Variants in TLK1 observed in about 807,000 individuals in gnomAD.
TLK1 encodes the protein serine/threonine-protein kinase tousled-like 1.
Under a neutral mutation model 105.3 loss-of-function variants are expected in TLK1, and 24 were observed. The ratio of observed to expected loss-of-function variants is 0.23; its 90% CI spans 0.17 to 0.32. The LOEUF (loss-of-function observed/expected upper bound fraction) is 0.32. Among genes scored for constraint, TLK1 ranks in the 10% least tolerant of loss-of-function variants. The pLI is 1.00. For synonymous variants in TLK1, 321 were observed against 310.4 expected (o/e 1.03, Z -0.36); for missense variants, 558 against 910.5 (o/e 0.61, Z 4.98).
intron 2 of TLK1, among the ~76,000 whole-genome samples, chr2:171,105,456 C>T (rs1269846695): frequency 1.3e-5 from 2 of 152,142 alleles, no homozygotes; most frequent in African/African-American, 2.4e-5. Context: ...GAGGCTGAGG[C>T]GGGTGGATCA....
At chr2:171,132,157 G>A (rs1558959792) in intron 1 of TLK1, among the ~76,000 whole-genome samples, 1 of 152,174 alleles carries the variant, frequency 6.6e-6, no homozygotes, top group Admixed American at 6.5e-5. Context: ...GGAAGCCTCA[G>A]GAAACTTACA....
At chr2:171,007,531 G>GA (rs1684704771) in intron 14 of TLK1, among the ~76,000 whole-genome samples, 1 of 151,482 alleles carries the variant, frequency 6.6e-6, no homozygotes, top group Non-Finnish European at 1.5e-5. Context: ...TCCAACTGTT[G>GA]AAAAAAACTC....
intron 18 of TLK1, among the ~76,000 whole-genome samples, chr2:171,004,297 CAGTG>C (rs1184801084): frequency 6.6e-6 from 1 of 151,796 alleles, no homozygotes; most frequent in African/African-American, 2.4e-5. Flanking sequence ...CATGGTTCGT[CAGTG>C]AGATTTTTCA....
chr2:171,037,310 G>A (rs188921588), intron 11 of TLK1, among the ~76,000 whole-genome samples: 67 of 151,964 alleles, frequency 4.4e-4, no homozygotes, highest in Middle Eastern at 3.4e-3. Context: ...GCATAGTGGC[G>A]CATGGCTGTA....
At chr2:171,212,725 C>T (rs1222382021) in intron 1 of TLK1, among the ~76,000 whole-genome samples, 1 of 152,082 alleles carries the variant, frequency 6.6e-6, no homozygotes, top group Non-Finnish European at 1.5e-5. Flanking sequence ...TATTAAATGC[C>T]TACTTAGTGA....
intron 1 of TLK1, among the ~76,000 whole-genome samples, chr2:171,143,193 G>A (rs992770050): frequency 6.6e-6 from 1 of 152,162 alleles, no homozygotes; most frequent in African/African-American, 2.4e-5. Context: ...TAAATGAATA[G>A]ACAAGTAAGG....
chr2:171,061,924 T>C (rs1687770538), intron 3 of TLK1, among the ~76,000 whole-genome samples: 1 of 152,198 alleles, frequency 6.6e-6, no homozygotes, highest in South Asian at 2.1e-4. Context: ...ATAGCTGCTT[T>C]TACATTACAA....
chr2:171,191,409 T>A (rs75974549), intron 1 of TLK1, among the ~76,000 whole-genome samples: 1 of 150,230 alleles, frequency 6.7e-6, no homozygotes, highest in Non-Finnish European at 1.5e-5. Flanking sequence ...CACCCCCCCC[T>A]CTAAAAAAAT....
At chr2:171,087,035 AGCCAAGTT>A (rs1376585932) in intron 2 of TLK1, among the ~76,000 whole-genome samples, 2 of 152,202 alleles carry the variant, frequency 1.3e-5, no homozygotes, top group Non-Finnish European at 2.9e-5. Context: ...ATTTCAGTCT[AGCCAAGTT>A]AACTGCCTCC....
intron 4 of TLK1, among the ~76,000 whole-genome samples, chr2:171,059,072 G>A (rs988730714): frequency 6.6e-5 from 10 of 152,228 alleles, no homozygotes; most frequent in Admixed American, 6.5e-4. Context: ...CTTGGAACAA[G>A]GTGGGGGGAA....
chr2:171,135,121 A>G (rs1159033717), intron 1 of TLK1, among the ~76,000 whole-genome samples: 1 of 152,154 alleles, frequency 6.6e-6, no homozygotes, highest in East Asian at 1.9e-4. Context: ...AGTTTGAGTT[A>G]GACAGAAAAA....
At chr2:171,167,874 A>G (rs1391708651) in intron 1 of TLK1, among the ~76,000 whole-genome samples, 1 of 152,212 alleles carries the variant, frequency 6.6e-6, no homozygotes, top group East Asian at 1.9e-4. Flanking sequence ...AAGTACAACA[A>G]GCAAACAGTG....
intron 3 of TLK1, chr2:171,081,749 T>C (rs1437364529): frequency 3.1e-6 from 4 of 1,272,470 alleles, no homozygotes; most frequent in East Asian, 5.6e-5. Context: ...CCCTATGCCA[T>C]ACTCCTTTGT....
At chr2:171,190,502 G>T (rs1371811819) in intron 1 of TLK1, among the ~76,000 whole-genome samples, 1 of 152,138 alleles carries the variant, frequency 6.6e-6, no homozygotes, top group Admixed American at 6.5e-5. Context: ...CTAGGTAAAA[G>T]TTTTCCAAAG....
At chr2:171,194,385 T>A (rs1364419377) in intron 1 of TLK1, among the ~76,000 whole-genome samples, 2 of 152,232 alleles carry the variant, frequency 1.3e-5, no homozygotes, top group Admixed American at 6.5e-5. Flanking sequence ...AATCCTGTGA[T>A]GTTTTTTCCC....
chr2:171,031,162 CAA>C (rs1170620779), intron 11 of TLK1, among the ~76,000 whole-genome samples: 1 of 152,124 alleles, frequency 6.6e-6, no homozygotes, highest in Non-Finnish European at 1.5e-5. Context: ...CCCCAAATGA[CAA>C]AAGAGCCATT....
intron 11 of TLK1, among the ~76,000 whole-genome samples, chr2:171,032,961 A>T (rs1686115445): frequency 6.6e-6 from 1 of 152,322 alleles, no homozygotes; most frequent in East Asian, 1.9e-4. Context: ...TAATGCCAGC[A>T]CTTTCGGAAG....
At chr2:171,036,395 C>CA (rs1291816553) in intron 11 of TLK1, among the ~76,000 whole-genome samples, 2 of 151,922 alleles carry the variant, frequency 1.3e-5, no homozygotes, top group South Asian at 2.1e-4. Context: ...TCTCCCCCCC[C>CA]AAAAAAAGCA....
chr2:171,006,624 A>G lies in TLK1; in HGVS notation c.1618T>C (p.Tyr540His), dbSNP rs1410784348. 6.2e-7 allele frequency: 1 copy of G among 1,612,442 alleles called. No homozygotes were observed. The highest frequency in any genetic ancestry group is 1.7e-5 in the Admixed American group (1 of 60,000). Residue 540 changes from tyrosine to histidine, a missense_variant, in exon 17 of 21, where the codon TAC becomes CAC. Physicochemically the swap from Tyr to His is moderately conservative, Grantham distance 83. Transcript: ENST00000431350. ...AAATCCAAGTCATTGCCTTCACAGT[A>G]TTCTAACACTGTACAAAACCTACAA... is the stretch of plus-strand genomic sequence containing the variant. ...DTDTFCTVLE[Y>H]CEGNDLDFYL...
Sources: allele counts gnomAD v4.1 joint callset (sites outside exome capture counted in the v4.1 genomes callset), GRCh38; gene constraint gnomAD v4.1.1; transcripts MANE v1.5; gene names NCBI Gene and HGNC (gene_info 2026-07-23, HGNC 2026-07-21).